The following TAMM41 variants were observed in gnomAD, a reference collection of about 807,000 sequenced individuals.
TAMM41 encodes phosphatidate cytidylyltransferase, mitochondrial.
Under a neutral mutation model 44.1 loss-of-function variants are expected in TAMM41, and 36 were observed. That is an observed-to-expected ratio of 0.82 (90% CI 0.63 to 1.08). TAMM41 has a LOEUF of 1.08. TAMM41 is among the 50% of genes least tolerant of loss of function. The pLI, the probability that TAMM41 is intolerant of heterozygous loss-of-function variation, is 0.00. For synonymous variants in TAMM41, 164 were observed against 153.1 expected (o/e 1.07, Z -0.53); for missense variants, 417 against 404.3 (o/e 1.03, Z -0.27).
chr3:11,768,818 G>A, the TAMM41 span, among the ~76,000 whole-genome samples: 3,280 of 152,284 alleles, frequency 0.022, 118 homozygotes, highest in African/African-American at 0.073. Flanking sequence ...CATTGCGGTC[G>A]CAGATGGTTA....
downstream of TAMM41, among the ~76,000 whole-genome samples, chr3:11,787,741 T>C (rs1009576905): frequency 6.6e-5 from 10 of 152,154 alleles, no homozygotes; most frequent in African/African-American, 2.2e-4. Flanking sequence ...ATCATAGATA[T>C]AGAAACTAAG....
At chr3:11,744,906 C>G in the TAMM41 span, among the ~76,000 whole-genome samples, 2 of 151,198 alleles carry the variant, frequency 1.3e-5, no homozygotes, top group Non-Finnish European at 2.9e-5. Flanking sequence ...CTCTGTTGCC[C>G]AGGCTGGAGT....
chr3:11,782,572 G>C, the TAMM41 span, among the ~76,000 whole-genome samples: 3 of 151,066 alleles, frequency 2.0e-5, no homozygotes, highest in Middle Eastern at 3.5e-3. Context: ...GAAAAAAAAA[G>C]TGGGATCGTA....
intron 3 of TAMM41, among the ~76,000 whole-genome samples, 184 bp downstream of exon 3, chr3:11,839,038 T>C (rs1427693373): frequency 6.6e-6 from 1 of 152,200 alleles, no homozygotes; most frequent in East Asian, 1.9e-4. Context: ...CAAATACATA[T>C]TTCTTCTTAT....
the TAMM41 span, among the ~76,000 whole-genome samples, chr3:11,769,156 T>C: frequency 2.6e-5 from 4 of 152,154 alleles, no homozygotes; most frequent in African/African-American, 9.7e-5. Context: ...TGGTGTGATC[T>C]TGGCTCACTG....
the TAMM41 span, among the ~76,000 whole-genome samples, chr3:11,767,193 C>T: frequency 2.6e-5 from 4 of 152,032 alleles, no homozygotes; most frequent in East Asian, 3.9e-4. Context: ...CTCAGCCTCC[C>T]GAGTAGCTGG....
At chr3:11,767,248 T>C in the TAMM41 span, among the ~76,000 whole-genome samples, 1 of 152,056 alleles carries the variant, frequency 6.6e-6, no homozygotes, top group East Asian at 1.9e-4. Context: ...TTTGTGTTTT[T>C]AGTAGAGACG....
intron 7 of TAMM41, among the ~76,000 whole-genome samples, chr3:11,804,566 T>A (rs1276235791): frequency 2.6e-5 from 4 of 152,118 alleles, no homozygotes; most frequent in African/African-American, 9.7e-5. Flanking sequence ...TTCCAATAAT[T>A]CCTTATAGCA....
At chr3:11,779,635 G>A in the TAMM41 span, among the ~76,000 whole-genome samples, 1 of 114,300 alleles carries the variant, frequency 8.7e-6, no homozygotes, top group South Asian at 3.1e-4. Context: ...TTGTTGGTGT[G>A]CCCTTGGGTC....
intron 6 of TAMM41, chr3:11,808,261 T>A: frequency 5.6e-6 from 6 of 1,069,040 alleles, no homozygotes; most frequent in Non-Finnish European, 6.8e-6. Context: ...AACCAAATGA[T>A]TACATCTACG....
chr3:11,781,948 C>G, the TAMM41 span, among the ~76,000 whole-genome samples: 2 of 152,092 alleles, frequency 1.3e-5, no homozygotes, highest in African/African-American at 2.4e-5. Context: ...ATCATCTCTT[C>G]TGATGTAGCT....
At chr3:11,793,718 G>A (rs4684813) in intron 7 of TAMM41, among the ~76,000 whole-genome samples, 24,890 of 152,126 alleles carry the variant, frequency 0.16, 4,574 homozygotes, top group East Asian at 0.48. Context: ...ACAGGGAAAG[G>A]CACAAAAGAG....
At chr3:11,780,762 A>C in the TAMM41 span, among the ~76,000 whole-genome samples, 1 of 152,200 alleles carries the variant, frequency 6.6e-6, no homozygotes, top group Non-Finnish European at 1.5e-5. Context: ...AGAGAAATCT[A>C]ATTCACAATT....
the TAMM41 span, among the ~76,000 whole-genome samples, chr3:11,744,873 T>C: frequency 6.6e-6 from 1 of 151,094 alleles, no homozygotes. Context: ...CAGGTAATTT[T>C]TTTTTTTTGA....
chr3:11,746,191 C>T, the TAMM41 span, among the ~76,000 whole-genome samples: 1 of 151,480 alleles, frequency 6.6e-6, no homozygotes, highest in African/African-American at 2.4e-5. Context: ...GTCCCAGCTA[C>T]GCTGAAGGCT....
chr3:11,741,582 T>A, the TAMM41 span, among the ~76,000 whole-genome samples: 1 of 150,248 alleles, frequency 6.7e-6, no homozygotes, highest in Non-Finnish European at 1.5e-5. Flanking sequence ...TCATTCACAG[T>A]GGCCATAACT....
In TAMM41 at chr3:11,806,928, AGC is replaced by A. The variant is rs1194515720; in HGVS notation, c.937+903_937+904del. Among the ~76,000 whole-genome samples, 65 of 152,382 alleles carry A rather than the reference AGC, an allele frequency of 4.3e-4. No individual in the cohort carries two copies. In the East Asian group the frequency reaches 0.012, roughly 28 times the overall value. ...AATCCTAGAAGTAAAAGATAAATGC[AGC>A]AATGATCTCAAAATTTTAAAGGAAA... On this transcript the variant is annotated intron_variant, in intron 7 of 7. Transcript: ENST00000455809.
intron 5 of TAMM41, 86 bp from the exon 6 acceptor site, chr3:11,809,768 T>A: frequency 7.0e-7 from 1 of 1,420,618 alleles, no homozygotes; most frequent in South Asian, 1.3e-5. Flanking sequence ...TCTTTAAAAA[T>A]CACACAAACA....
intron 4 of TAMM41, among the ~76,000 whole-genome samples, chr3:11,825,447 T>G (rs934413823): frequency 6.6e-6 from 1 of 152,198 alleles, no homozygotes; most frequent in Admixed American, 6.5e-5. Context: ...TTGTAAGGTT[T>G]CAGATGGCTT....
Sources: gnomAD v4.1 joint callset for allele counts (sites outside exome capture counted in the v4.1 genomes callset) on GRCh38, gnomAD v4.1.1 for gene constraint, MANE v1.5 for transcripts, NCBI Gene and HGNC (gene_info 2026-07-23, HGNC 2026-07-21) for gene names.